Variants in FBXL7 observed in about 807,000 individuals in gnomAD.
FBXL7 encodes F-box/LRR-repeat protein 7.
FBXL7 carries 12 observed loss-of-function variants against 38.3 expected under a neutral mutation model. The ratio of observed to expected loss-of-function variants is 0.31; its 90% CI spans 0.20 to 0.51. The LOEUF is 0.51. Among genes scored for constraint, FBXL7 ranks in the 20% least tolerant of loss-of-function variants. FBXL7 has a pLI of 0.98. For missense variants in FBXL7, 567 were observed against 676.4 expected (o/e 0.84, Z 1.79); for synonymous variants, 297 against 300.9 (o/e 0.99, Z 0.13).
rs551050439 is a variant in FBXL7 at position 15,747,641 on chromosome 5, C to T, written c.127+131569C>T. ...TGATTCTCAGCAAAGGTGATTTCTTCGGACAAAGGAAAAAATATCTATGCA... is the reference window on the plus strand; with the variant it reads ...TGATTCTCAGCAAAGGTGATTTCTTTGGACAAAGGAAAAAATATCTATGCA... On this transcript the variant is annotated intron_variant, in intron 2 of 3. Coordinates refer to ENST00000504595, the MANE Select transcript of FBXL7 (RefSeq NM_012304.5). Among the ~76,000 whole-genome samples the T allele has an allele frequency of 9.8e-5, 15 of 152,290 alleles. 1 individual carries two copies. Among genetic ancestry groups the T allele is most frequent in the Middle Eastern group, 3.4e-3 (1 of 294 alleles).
chr5:15,818,531 GA>G (rs1738080671), intron 2 of FBXL7, among the ~76,000 whole-genome samples: 1 of 151,874 alleles, frequency 6.6e-6, no homozygotes, highest in South Asian at 2.1e-4. Flanking sequence ...AAGTGATATA[GA>G]AAAAATAATC....
At chr5:15,787,420 C>A (rs902254541) in intron 2 of FBXL7, among the ~76,000 whole-genome samples, 2 of 152,044 alleles carry the variant, frequency 1.3e-5, no homozygotes, top group Non-Finnish European at 2.9e-5. Context: ...GAAGGCAAGC[C>A]GTGCAGAGAT....
intron 2 of FBXL7, among the ~76,000 whole-genome samples, chr5:15,769,669 A>G (rs1405546575): frequency 6.6e-6 from 1 of 152,120 alleles, no homozygotes; most frequent in East Asian, 1.9e-4. Context: ...TGCTATATCT[A>G]GACTGGAAGA....
At position 15,556,127 on chromosome 5, in the gene FBXL7, A is replaced by T. The variant is rs146549110; in HGVS notation, c.37+55414A>T. ...TCTATCTATCTATATTGATCCATCA[A>T]TTGACATATAGAAGGAGCTTTACTC... is the stretch of plus-strand genomic sequence containing the variant. On this transcript the variant is annotated intron_variant, in intron 1 of 3. Coordinates refer to ENST00000504595, the MANE Select transcript of FBXL7 (RefSeq NM_012304.5). 3.4e-3 allele frequency among the ~76,000 whole-genome samples: 522 copies of T among 152,030 alleles called. 2 individuals are homozygous for T. The highest frequency in any genetic ancestry group is 0.012 in the African/African-American group (498 of 41,452).
intron 1 of FBXL7, among the ~76,000 whole-genome samples, chr5:15,561,621 C>A (rs1738418657): frequency 6.6e-6 from 1 of 151,978 alleles, no homozygotes; most frequent in South Asian, 2.1e-4. Flanking sequence ...TTTCTAATTT[C>A]TTTAGGAATC....
intron 1 of FBXL7, among the ~76,000 whole-genome samples, chr5:15,598,128 G>C (rs1739679883): frequency 6.6e-6 from 1 of 152,158 alleles, no homozygotes; most frequent in Non-Finnish European, 1.5e-5. Context: ...ATACATCATA[G>C]ATTATAGGTG....
intron 2 of FBXL7, among the ~76,000 whole-genome samples, chr5:15,760,563 A>G (rs899695962): frequency 2.0e-5 from 3 of 152,094 alleles, no homozygotes; most frequent in Admixed American, 1.3e-4. Context: ...TAGGAAATAA[A>G]CTCTTTTTGA....
chr5:15,740,493 T>C (rs2126674349), intron 2 of FBXL7, among the ~76,000 whole-genome samples: 1 of 152,362 alleles, frequency 6.6e-6, no homozygotes, highest in Non-Finnish European at 1.5e-5. Context: ...CACAGAGCTC[T>C]TTAGATTTCA....
At chr5:15,757,461 A>G (rs61026653) in intron 2 of FBXL7, among the ~76,000 whole-genome samples, 18,999 of 152,006 alleles carry the variant, frequency 0.12, 1,211 homozygotes, top group South Asian at 0.16. Flanking sequence ...TATGGAGTCC[A>G]GAAGACATCA....
At chr5:15,631,561 G>C (rs1053168018) in intron 2 of FBXL7, among the ~76,000 whole-genome samples, 12 of 150,542 alleles carry the variant, frequency 8.0e-5, no homozygotes, top group African/African-American at 2.9e-4. Flanking sequence ...GCCAGGCATG[G>C]GACAGGAGGC....
At chr5:15,570,256 C>G (rs1738729965) in intron 1 of FBXL7, among the ~76,000 whole-genome samples, 1 of 152,172 alleles carries the variant, frequency 6.6e-6, no homozygotes, top group Non-Finnish European at 1.5e-5. Context: ...TAATTCTTGC[C>G]TCAATTTCAG....
intron 1 of FBXL7, among the ~76,000 whole-genome samples, chr5:15,606,172 A>G (rs1270431021): frequency 2.0e-5 from 3 of 151,866 alleles, no homozygotes; most frequent in Admixed American, 6.6e-5. Context: ...TTCTTTTTCT[A>G]TTTTATAGGT....
At chr5:15,694,396 A>G (rs1347139332) in intron 2 of FBXL7, among the ~76,000 whole-genome samples, 1 of 152,216 alleles carries the variant, frequency 6.6e-6, no homozygotes, top group Non-Finnish European at 1.5e-5. Context: ...AAAAGGTCAA[A>G]TTCCTGGGCT....
intron 1 of FBXL7, among the ~76,000 whole-genome samples, chr5:15,572,405 A>G (rs1403877118): frequency 1.3e-5 from 2 of 151,996 alleles, no homozygotes; most frequent in African/African-American, 4.8e-5. Flanking sequence ...AAAAAAAAAA[A>G]AAAAATCTTG....
chr5:15,894,549 T>C lies in FBXL7; in HGVS notation c.128-33341T>C, dbSNP rs73752368. Among the ~76,000 whole-genome samples the C allele has an allele frequency of 7.0e-3, 1,063 of 152,316 alleles. 18 individuals are homozygous for C. Among genetic ancestry groups the C allele is most frequent in the African/African-American group, 0.024 (1,009 of 41,558 alleles). On this transcript the variant is annotated intron_variant, in intron 2 of 3. Transcript: ENST00000504595. ...AAGTTACTGATTGATAGCAGTGACA[T>C]ATCACCTTTACATATGAAATTGTAT...
chr5:15,657,077 C>G (rs549848268), intron 2 of FBXL7, among the ~76,000 whole-genome samples: 1 of 152,222 alleles, frequency 6.6e-6, no homozygotes, highest in South Asian at 2.1e-4. Context: ...GGACATAAAA[C>G]AAAACCCAAA....
chr5:15,706,207 A>G (rs1206855329), intron 2 of FBXL7, among the ~76,000 whole-genome samples: 1 of 152,208 alleles, frequency 6.6e-6, no homozygotes, highest in Non-Finnish European at 1.5e-5. Context: ...AGGTGTTTGC[A>G]TCATGGGAGC....
intron 1 of FBXL7, among the ~76,000 whole-genome samples, chr5:15,603,138 T>G (rs1355964447): frequency 6.6e-6 from 1 of 152,210 alleles, no homozygotes; most frequent in Non-Finnish European, 1.5e-5. Flanking sequence ...CTGCCCAACC[T>G]CATACTGCAT....
At chr5:15,757,497 A>G (rs1167461157) in intron 2 of FBXL7, among the ~76,000 whole-genome samples, 4 of 151,860 alleles carry the variant, frequency 2.6e-5, no homozygotes, top group African/African-American at 9.7e-5. Flanking sequence ...CAGAAAACTA[A>G]TTTACATTCC....
Sources: gnomAD v4.1 joint callset for allele counts (sites outside exome capture counted in the v4.1 genomes callset) on GRCh38, gnomAD v4.1.1 for gene constraint, MANE v1.5 for transcripts, NCBI Gene and HGNC (gene_info 2026-07-23, HGNC 2026-07-21) for gene names.